SPRED2: variants seen among roughly 807,000 people sequenced by gnomAD.
SPRED2 encodes sprouty related EVH1 domain containing 2, also known as sprouty-related, EVH1 domain-containing protein 2.
Under a neutral mutation model 43.0 loss-of-function variants are expected in SPRED2, and 47 were observed. The observed-to-expected ratio is 1.09, with a 90% CI of 0.87 to 1.40. SPRED2 has a LOEUF of 1.40. Ranked by LOEUF, SPRED2 falls within the 40% of genes most tolerant of loss-of-function variation. The pLI is 0.00. For missense variants in SPRED2, 561 were observed against 586.4 expected (o/e 0.96, Z 0.45); for synonymous variants, 225 against 225.7 (o/e 1.00, Z 0.03).
At chr2:65,390,609 T>C (rs968133454) in intron 1 of SPRED2, among the ~76,000 whole-genome samples, 3 of 152,226 alleles carry the variant, frequency 2.0e-5, no homozygotes, top group African/African-American at 7.2e-5. Context: ...TCCATGTCTC[T>C]ATGCCTCTGT....
intron 1 of SPRED2, among the ~76,000 whole-genome samples, chr2:65,401,936 CG>C (rs1558685679): frequency 9.9e-6 from 1 of 101,038 alleles, no homozygotes; most frequent in Admixed American, 8.7e-5. Context: ...AGCGCGCGCG[CG>C]CACACACACA....
chr2:65,352,336 A>G (rs1167601293), intron 1 of SPRED2, among the ~76,000 whole-genome samples: 3 of 152,260 alleles, frequency 2.0e-5, no homozygotes, highest in Non-Finnish European at 4.4e-5. Flanking sequence ...AAGTGGGCTA[A>G]GATCACTTAA....
rs778244716 is a variant in SPRED2 at position 65,313,794 on chromosome 2, G to A, written c.964C>T (p.Arg322Cys). Residue 322 changes from arginine to cysteine, a missense_variant, in exon 6 of 6, where the codon CGC (arginine) becomes TGC (cysteine). Coordinates refer to ENST00000356388, the MANE Select transcript of SPRED2 (RefSeq NM_181784.3). ...GGCGCGTCCTGGCAGTGGCCCCGGC[G>A]GTTCTCCTCGTGGTTGAACATGTCC... is the stretch of plus-strand genomic sequence containing the variant. Reference protein sequence around the residue: ...CRDMFNHEENRRGHCQDAPDS... With the variant: ...CRDMFNHEENCRGHCQDAPDS... 3.1e-6 allele frequency: 5 copies of A among 1,614,058 alleles called. No homozygotes were observed. The highest frequency in any genetic ancestry group is 1.1e-5 in the South Asian group (1 of 91,090).
chr2:65,345,998 G>A (rs942080380), intron 1 of SPRED2, among the ~76,000 whole-genome samples: 11 of 152,104 alleles, frequency 7.2e-5, no homozygotes, highest in Admixed American at 2.6e-4. Flanking sequence ...ATATATTTGC[G>A]TGTTGTATAT....
At chr2:65,401,928 C>CGTGCGT (rs1553426569) in intron 1 of SPRED2, among the ~76,000 whole-genome samples, 4 of 101,194 alleles carry the variant, frequency 4.0e-5, no homozygotes, top group Non-Finnish European at 5.6e-5. Context: ...AGAATATTAG[C>CGTGCGT]GCGCGCGCGC....
chr2:65,330,595 G>C (rs1297865562), intron 4 of SPRED2, among the ~76,000 whole-genome samples: 1 of 152,104 alleles, frequency 6.6e-6, no homozygotes, highest in African/African-American at 2.4e-5. Flanking sequence ...TGGTACATTT[G>C]TGACAATCGA....
At chr2:65,339,126 CAGCCGCCCGGTCCAGG>C (rs1674098142) in intron 2 of SPRED2, among the ~76,000 whole-genome samples, 2 of 133,362 alleles carry the variant, frequency 1.5e-5, no homozygotes, top group African/African-American at 3.0e-5. Flanking sequence ...CCCTCCCGGC[CAGCCGCCCGGTCCAGG>C]AGCTGAGGGG....
intron 1 of SPRED2, among the ~76,000 whole-genome samples, chr2:65,414,463 A>G (rs1676227886): frequency 6.6e-6 from 1 of 152,144 alleles, no homozygotes; most frequent in Non-Finnish European, 1.5e-5. Context: ...AGAACCACGG[A>G]GGCTGTGAAT....
At chr2:65,410,488 G>A (rs1572900328) in intron 1 of SPRED2, among the ~76,000 whole-genome samples, 1 of 152,038 alleles carries the variant, frequency 6.6e-6, no homozygotes, top group East Asian at 1.9e-4. Context: ...GGCCTGGCAT[G>A]GTGACTCAGG....
At chr2:65,390,233 C>T (rs1319461011) in intron 1 of SPRED2, among the ~76,000 whole-genome samples, 1 of 152,186 alleles carries the variant, frequency 6.6e-6, no homozygotes, top group African/African-American at 2.4e-5. Flanking sequence ...CAAGGCTGCA[C>T]CTGCACCCAG....
intron 1 of SPRED2, among the ~76,000 whole-genome samples, chr2:65,350,439 T>C (rs1248625554): frequency 6.6e-6 from 1 of 152,216 alleles, no homozygotes; most frequent in Admixed American, 6.5e-5. Context: ...CCCGAGTGTC[T>C]GAACTTGAGC....
At chr2:65,322,784 GT>G (rs1447818819) in intron 4 of SPRED2, among the ~76,000 whole-genome samples, 1 of 152,074 alleles carries the variant, frequency 6.6e-6, no homozygotes, top group Non-Finnish European at 1.5e-5. Context: ...AGTTCCAAAA[GT>G]TTCCTTCTAT....
At chr2:65,331,748 A>C (rs184718274) in intron 4 of SPRED2, among the ~76,000 whole-genome samples, 155 of 152,342 alleles carry the variant, frequency 1.0e-3, no homozygotes, top group Non-Finnish European at 1.7e-3. Context: ...CCTTGGACAG[A>C]CCTGGGAGAG....
At chr2:65,347,886 C>G (rs376462125) in intron 1 of SPRED2, among the ~76,000 whole-genome samples, 5 of 152,300 alleles carry the variant, frequency 3.3e-5, no homozygotes, top group African/African-American at 1.2e-4. Flanking sequence ...TCTACTGACA[C>G]TGACCTGATC....
chr2:65,385,530 C>T (rs1413952669), intron 1 of SPRED2, among the ~76,000 whole-genome samples: 7 of 151,962 alleles, frequency 4.6e-5, no homozygotes, highest in African/African-American at 1.2e-4. Flanking sequence ...GGAGGGGAGG[C>T]GTGGCAGAGG....
chr2:65,318,018 C>T (rs577021934), intron 4 of SPRED2, among the ~76,000 whole-genome samples: 1 of 152,080 alleles, frequency 6.6e-6, no homozygotes, highest in Admixed American at 6.5e-5. Context: ...TGTCCCCAAC[C>T]AAAACTCATC....
chr2:65,328,031 T>C (rs1031794966), intron 4 of SPRED2, among the ~76,000 whole-genome samples: 3 of 150,918 alleles, frequency 2.0e-5, no homozygotes, highest in African/African-American at 7.3e-5. Flanking sequence ...CCATTTTTGC[T>C]TTTCTTACCC....
In SPRED2 at chr2:65,316,894, G is replaced by A; in HGVS notation, c.439-11C>T. The A allele has an allele frequency of 6.2e-7, 1 of 1,608,538 alleles. No homozygotes were observed. The highest frequency in any genetic ancestry group is 8.5e-7 in the Non-Finnish European group (1 of 1,178,064). On this transcript the variant is annotated splice_polypyrimidine_tract_variant and intron_variant, in intron 4 of 5. Coordinates refer to ENST00000356388, the MANE Select transcript of SPRED2 (RefSeq NM_181784.3). ...ACTGTCTGTAGCTGTCTGTGTAGAG[G>A]GAGGTAACCAAGAGTCAATTTAAAA...
Position 65,311,865 on chromosome 2 carries a change from G to T in SPRED2, c.*1636C>A, listed in dbSNP as rs1230744040. 1 of 985,308 alleles carries T rather than the reference G, an allele frequency of 1.0e-6. No homozygotes were observed. The highest frequency in any genetic ancestry group is 1.2e-6 in the Non-Finnish European group (1 of 829,948). 61.0% of individuals were successfully genotyped at this position (985,308 alleles called of 1,614,324 possible). On this transcript the variant is annotated 3_prime_UTR_variant, in exon 6 of 6. Coordinates refer to ENST00000356388, the MANE Select transcript of SPRED2 (RefSeq NM_181784.3). The stretch of plus-strand genomic sequence containing the variant: ...CAGCTAGCACTTTCCCAATATGATT[G>T]GCAGACTGGAAAAAAGTCCCTTTCC...
Sources: gnomAD v4.1 joint callset for allele counts (sites outside exome capture counted in the v4.1 genomes callset) on GRCh38, gnomAD v4.1.1 for gene constraint, MANE v1.5 for transcripts, NCBI Gene and HGNC (gene_info 2026-07-23, HGNC 2026-07-21) for gene names.